Variants in ARHGAP6 observed in about 807,000 individuals in gnomAD.
ARHGAP6 encodes the protein rho GTPase-activating protein 6.
In ARHGAP6, 16 loss-of-function variants were observed where a neutral mutation model predicts 55.7. That is an observed-to-expected ratio of 0.29 (90% CI 0.19 to 0.44). The LOEUF (loss-of-function observed/expected upper bound fraction) is 0.44. Ranked by LOEUF, ARHGAP6 falls within the 20% of genes least tolerant of loss-of-function variation. The pLI is 1.00. For synonymous variants in ARHGAP6, 382 were observed against 360.9 expected, an observed-to-expected ratio of 1.06 and a Z score of -0.66; for missense variants, 698 against 808.9, an observed-to-expected ratio of 0.86 and a Z score of 1.66.
intron 1 of ARHGAP6, among the ~76,000 whole-genome samples, chrX:11,368,927 A>G (rs1420835874): frequency 8.9e-6 from 1 of 112,043 alleles, no homozygotes; most frequent in Middle Eastern, 4.6e-3. Flanking sequence ...ATTTTGGTAG[A>G]TTCTCACCAA....
In ARHGAP6 at chrX:11,200,434, C is replaced by T. The variant is rs368768653; in HGVS notation, c.749-3438G>A. On this transcript the variant is annotated intron_variant, in intron 2 of 12. Coordinates refer to ENST00000337414, the MANE Select transcript of ARHGAP6 (RefSeq NM_013427.3). ...AGATGGCAAGGCAGCAAGCTTTCCA[C>T]ATCCTAGTGACCCCAAAGCAAAGGA... Among the ~76,000 whole-genome samples the T allele has an allele frequency of 2.8e-4, 31 of 112,468 alleles. No individual in the cohort carries two copies. In the South Asian group the frequency reaches 0.011, roughly 40 times the overall value.
intron 1 of ARHGAP6, among the ~76,000 whole-genome samples, chrX:11,520,929 G>A (rs1256365077): frequency 8.9e-6 from 1 of 112,275 alleles, no homozygotes; most frequent in Non-Finnish European, 1.9e-5. Context: ...TGAGCATTTT[G>A]TCATGTGTCT....
At chrX:11,417,059 CATATATATATATATAT>C (rs768174897) in intron 1 of ARHGAP6, among the ~76,000 whole-genome samples, 10,005 of 33,328 alleles carry the variant, frequency 0.3, 1,090 homozygotes, top group South Asian at 0.51. Context: ...TGGGTGTGTA[CATATATATATATATAT>C]ATATATATAT....
chrX:11,500,172 A>G (rs925397565), intron 1 of ARHGAP6, among the ~76,000 whole-genome samples: 1 of 111,578 alleles, frequency 9.0e-6, no homozygotes, highest in African/African-American at 3.3e-5. Context: ...TTTTCATTCT[A>G]TCAATAAATA....
At chrX:11,572,524 T>G (rs1216793997) in intron 1 of ARHGAP6, among the ~76,000 whole-genome samples, 2 of 111,696 alleles carry the variant, frequency 1.8e-5, no homozygotes, top group Non-Finnish European at 3.8e-5. Context: ...GAACTCATCA[T>G]TTTTTATGGC....
At chrX:11,221,825 T>C (rs1224046672) in intron 2 of ARHGAP6, among the ~76,000 whole-genome samples, 1 of 111,397 alleles carries the variant, frequency 9.0e-6, no homozygotes, top group Non-Finnish European at 1.9e-5. Context: ...ATTTTGTATT[T>C]TGTTACCTAG....
intron 10 of ARHGAP6, among the ~76,000 whole-genome samples, chrX:11,151,235 T>C (rs867919764): frequency 2.8e-4 from 31 of 110,070 alleles, no homozygotes; most frequent in African/African-American, 9.8e-4. Flanking sequence ...CAAGTATATA[T>C]TTTTAAAAAT....
At chrX:11,567,427 G>A (rs1032858356) in intron 1 of ARHGAP6, among the ~76,000 whole-genome samples, 5 of 107,607 alleles carry the variant, frequency 4.6e-5, no homozygotes, top group South Asian at 4.2e-4. Flanking sequence ...GGTGTCAGGC[G>A]CCTGTAGTCG....
intron 2 of ARHGAP6, among the ~76,000 whole-genome samples, chrX:11,228,711 T>C (rs1349957100): frequency 2.7e-5 from 3 of 112,474 alleles, no homozygotes; most frequent in African/African-American, 9.7e-5. Context: ...ATTACTTAAA[T>C]TTCTTTTTTT....
rs147709224 is a variant in ARHGAP6, at chrX:11,174,043, T to C, written c.1629+4057A>G. On this transcript the variant is annotated intron_variant, in intron 8 of 12. Coordinates refer to ENST00000337414, the MANE Select transcript of ARHGAP6 (RefSeq NM_013427.3). Reference sequence around the variant, plus strand: ...TGAAAAATATTGGTTTTTGACCATATTTTACAATTTGGTATTTAGTTTTAC... The same window carrying C: ...TGAAAAATATTGGTTTTTGACCATACTTTACAATTTGGTATTTAGTTTTAC... 4.6e-3 allele frequency among the ~76,000 whole-genome samples: 511 copies of C among 112,168 alleles called. 2 individuals are homozygous for C. Among genetic ancestry groups the C allele is most frequent in the African/African-American group, 0.015 (469 of 30,855 alleles).
chrX:11,354,327 C>CTCTCTCTATATATATATA (rs1343744315), intron 1 of ARHGAP6, among the ~76,000 whole-genome samples: 3 of 32,348 alleles, frequency 9.3e-5, no homozygotes, highest in Admixed American at 4.2e-4. Context: ...CTCTCTCTCT[C>CTCTCTCTATATATATATA]TATATATATA....
intron 1 of ARHGAP6, among the ~76,000 whole-genome samples, chrX:11,572,549 T>C (rs887189727): frequency 8.9e-6 from 1 of 111,757 alleles, no homozygotes; most frequent in Non-Finnish European, 1.9e-5. Flanking sequence ...TAGTATTCCA[T>C]GGTGTATATG....
intron 1 of ARHGAP6, among the ~76,000 whole-genome samples, chrX:11,467,241 C>A (rs2050302484): frequency 9.0e-6 from 1 of 110,884 alleles, no homozygotes; most frequent in Non-Finnish European, 1.9e-5. Flanking sequence ...GAGTTCGAGA[C>A]CAGCCTGGGC....
chrX:11,357,466 G>A (rs1339022910), intron 1 of ARHGAP6, among the ~76,000 whole-genome samples: 2 of 111,403 alleles, frequency 1.8e-5, no homozygotes, highest in Non-Finnish European at 3.8e-5. Flanking sequence ...GTTAGATGAG[G>A]GATGGGGTTA....
intron 1 of ARHGAP6, among the ~76,000 whole-genome samples, chrX:11,388,428 G>C (rs1411601891): frequency 1.8e-5 from 2 of 111,808 alleles, no homozygotes; most frequent in Non-Finnish European, 3.8e-5. Context: ...AAATTTGTTT[G>C]TGTTCATTGT....
intron 2 of ARHGAP6, among the ~76,000 whole-genome samples, chrX:11,238,676 T>G (rs772282078): frequency 2.0e-4 from 22 of 112,023 alleles, no homozygotes; most frequent in Non-Finnish European, 3.4e-4. Context: ...GGCTTCCATT[T>G]GGTTGTATTC....
chrX:11,464,327 C>G (rs1015468881), intron 1 of ARHGAP6, among the ~76,000 whole-genome samples: 1 of 112,124 alleles, frequency 8.9e-6, no homozygotes, highest in South Asian at 3.7e-4. Context: ...TTTTCTTGAT[C>G]GGCATTTTAA....
At chrX:11,280,539 G>A (rs1028678387) in intron 1 of ARHGAP6, among the ~76,000 whole-genome samples, 6 of 110,186 alleles carry the variant, frequency 5.4e-5, no homozygotes, top group African/African-American at 1.7e-4. Context: ...AATAGCAAAG[G>A]GGTGTATCCA....
intron 1 of ARHGAP6, among the ~76,000 whole-genome samples, chrX:11,562,755 T>C (rs1330079731): frequency 8.9e-6 from 1 of 111,828 alleles, no homozygotes; most frequent in Non-Finnish European, 1.9e-5. Context: ...ACACTAACAG[T>C]GACCTTCCCT....
Sources: gnomAD v4.1 joint callset for allele counts (sites outside exome capture counted in the v4.1 genomes callset) on GRCh38, gnomAD v4.1.1 for gene constraint, MANE v1.5 for transcripts, NCBI Gene and HGNC (gene_info 2026-07-23, HGNC 2026-07-21) for gene names.